AKAP12: variants seen among roughly 807,000 people sequenced by gnomAD.
AKAP12 encodes the protein A-kinase anchor protein 12.
AKAP12 carries 32 observed loss-of-function variants against 79.9 expected under a neutral mutation model. That is an observed-to-expected ratio of 0.40 (90% CI 0.30 to 0.54). The LOEUF is 0.54. AKAP12 is among the 20% of genes least tolerant of loss of function. AKAP12 has a pLI of 0.48. For synonymous variants in AKAP12, 808 were observed against 857.0 expected, an observed-to-expected ratio of 0.94 and a Z score of 1.00; for missense variants, 2,074 against 2,177.0, an observed-to-expected ratio of 0.95 and a Z score of 0.94.
rs192098892 is a variant in AKAP12, at chr6:151,284,219, C to T, written c.163-21528C>T. 1.8e-4 allele frequency among the ~76,000 whole-genome samples: 28 copies of T among 152,308 alleles called. No homozygotes were observed. In the South Asian group the frequency reaches 4.6e-3, roughly 25 times the overall value. On this transcript the variant is annotated intron_variant, in intron 2 of 4. Coordinates refer to ENST00000402676, the MANE Select transcript of AKAP12 (RefSeq NM_005100.4). Reference sequence around the variant, plus strand: ...GTCTGCACAGATCAGTGTCACACATCGTTCACCAGGTATGCAGTGATCTTT... The same window carrying T: ...GTCTGCACAGATCAGTGTCACACATTGTTCACCAGGTATGCAGTGATCTTT...
intron 3 of AKAP12, chr6:151,324,830 A>T (rs1777483635): frequency 1.0e-6 from 1 of 985,268 alleles, no homozygotes; most frequent in Non-Finnish European, 1.2e-6. Flanking sequence ...CAAAGAACAA[A>T]CCTGAAGCTT....
At chr6:151,285,654 T>C (rs1192741741) in intron 2 of AKAP12, among the ~76,000 whole-genome samples, 1 of 151,916 alleles carries the variant, frequency 6.6e-6, no homozygotes, top group Non-Finnish European at 1.5e-5. Flanking sequence ...AACAAAAAAA[T>C]TTAAAGTATC....
chr6:151,268,945 G>GTTTTTTTT (rs558502756), intron 2 of AKAP12, among the ~76,000 whole-genome samples: 10 of 77,428 alleles, frequency 1.3e-4, no homozygotes, highest in East Asian at 3.5e-4. Context: ...TGCTCGGCCT[G>GTTTTTTTT]TTTTTTTTTT....
At chr6:151,281,453 A>T (rs1420047724) in intron 2 of AKAP12, among the ~76,000 whole-genome samples, 1 of 152,158 alleles carries the variant, frequency 6.6e-6, no homozygotes, top group Non-Finnish European at 1.5e-5. Context: ...ATTTCAGGTT[A>T]TGAGCAGATT....
chr6:151,286,133 C>T (rs1330277886), intron 2 of AKAP12, among the ~76,000 whole-genome samples: 3 of 152,130 alleles, frequency 2.0e-5, no homozygotes, highest in Non-Finnish European at 4.4e-5. Context: ...CTGCTTTGGC[C>T]TCCCAAAGTG....
intron 2 of AKAP12, 85 bp from the exon 3 acceptor site, chr6:151,305,662 G>T: frequency 1.5e-6 from 2 of 1,318,358 alleles, no homozygotes; most frequent in Non-Finnish European, 2.1e-6. Context: ...TCTTTCACTG[G>T]TTTGTATTCT....
intron 3 of AKAP12, among the ~76,000 whole-genome samples, chr6:151,338,936 C>T (rs2114805223): frequency 6.6e-6 from 1 of 152,340 alleles, no homozygotes; most frequent in African/African-American, 2.4e-5. Context: ...CTCCTCTCCT[C>T]CATTTAGCAC....
chr6:151,328,770 G>A (rs13220780), intron 3 of AKAP12, among the ~76,000 whole-genome samples: 12,016 of 152,150 alleles, frequency 0.079, 487 homozygotes, highest in Middle Eastern at 0.23. Flanking sequence ...ATTTTAGGAG[G>A]CCTGTGTTTA....
chr6:151,252,717 G>C (rs1220647214), intron 2 of AKAP12, among the ~76,000 whole-genome samples: 1 of 120,010 alleles, frequency 8.3e-6, no homozygotes, highest in East Asian at 2.6e-4. Context: ...AAGATACCAA[G>C]ACCCCTGTCT....
At chr6:151,323,055 A>G (rs539031240) in intron 3 of AKAP12, among the ~76,000 whole-genome samples, 4 of 152,224 alleles carry the variant, frequency 2.6e-5, no homozygotes, top group African/African-American at 9.6e-5. Flanking sequence ...CTTAGGTCTC[A>G]TCTTTACTCC....
At chr6:151,241,436 G>A (rs1238328128) in intron 2 of AKAP12, among the ~76,000 whole-genome samples, 1 of 152,228 alleles carries the variant, frequency 6.6e-6, no homozygotes, top group Non-Finnish European at 1.5e-5. Context: ...AGACTCAGTT[G>A]GCCAAACACA....
At position 151,357,926 on chromosome 6, in the gene AKAP12, G is replaced by A. The variant is rs1778482680; in HGVS notation, c.*2212G>A. 1.3e-5 allele frequency: 2 copies of A among 151,924 alleles called. No homozygotes were observed. The highest frequency in any genetic ancestry group is 2.9e-5 in the Non-Finnish European group (2 of 67,982). 9.4% of individuals were successfully genotyped at this position (151,924 alleles called of 1,614,324 possible). ...TGACGTTTTTGTTTAAATTCCACCC[G>A]CGTTTGTCTTTTCCTACCACCTGTG... On this transcript the variant is annotated 3_prime_UTR_variant, in exon 5 of 5. Coordinates refer to ENST00000402676, the MANE Select transcript of AKAP12 (RefSeq NM_005100.4).
In AKAP12 at chr6:151,349,662, TGGA is replaced by T. The variant is rs748552287; in HGVS notation, c.1276_1278del (p.Glu426del). On this transcript the variant is annotated inframe_deletion, in exon 4 of 5. Coordinates refer to ENST00000402676, the MANE Select transcript of AKAP12 (RefSeq NM_005100.4). ...GTGGCCGAAGTCCACGTCAGCACCG[TGGA>T]GGAGAGAACCGAAGAGCAGAAAACG... 5 of 1,613,274 alleles carry T rather than the reference TGGA, an allele frequency of 3.1e-6. No individual in the cohort carries two copies. In the East Asian group the frequency reaches 1.1e-4, roughly 36 times the overall value.
chr6:151,296,627 A>G (rs1776730945), intron 2 of AKAP12, among the ~76,000 whole-genome samples: 1 of 152,132 alleles, frequency 6.6e-6, no homozygotes, highest in South Asian at 2.1e-4. Context: ...AAATACAAAA[A>G]TTAGCCGAGT....
At chr6:151,330,218 G>A (rs1777631359) in intron 3 of AKAP12, among the ~76,000 whole-genome samples, 1 of 152,078 alleles carries the variant, frequency 6.6e-6, no homozygotes, top group Admixed American at 6.6e-5. Context: ...CAGTCACTTG[G>A]GAAGCTGAGG....
chr6:151,295,590 A>C (rs1277950899), intron 2 of AKAP12, among the ~76,000 whole-genome samples: 1 of 152,208 alleles, frequency 6.6e-6, no homozygotes, highest in East Asian at 1.9e-4. Context: ...ACACAAGATA[A>C]AATTAATATT....
chr6:151,309,435 C>A (rs1296209052), intron 3 of AKAP12, among the ~76,000 whole-genome samples: 1 of 152,130 alleles, frequency 6.6e-6, no homozygotes, highest in Non-Finnish European at 1.5e-5. Flanking sequence ...GAACAAGGGC[C>A]ATTCCTACTG....
intron 3 of AKAP12, among the ~76,000 whole-genome samples, chr6:151,326,818 GTTT>G (rs35733082): frequency 6.6e-6 from 1 of 151,306 alleles, no homozygotes; most frequent in Non-Finnish European, 1.5e-5. Flanking sequence ...TTGTTTGTTT[GTTT>G]TTTGTTTGTT....
At chr6:151,320,503 C>G (rs747556517) in intron 3 of AKAP12, among the ~76,000 whole-genome samples, 1 of 152,120 alleles carries the variant, frequency 6.6e-6, no homozygotes, top group South Asian at 2.1e-4. Flanking sequence ...CTGCCACTTT[C>G]TCCCTCATTG....
Sources: gnomAD v4.1 joint callset for allele counts (sites outside exome capture counted in the v4.1 genomes callset) on GRCh38, gnomAD v4.1.1 for gene constraint, MANE v1.5 for transcripts, NCBI Gene and HGNC (gene_info 2026-07-23, HGNC 2026-07-21) for gene names.